Variants in GAB3 observed in about 807,000 individuals in gnomAD.
GAB3 encodes GRB2 associated binding protein 3, also known as GRB2-associated-binding protein 3.
In GAB3, 12 loss-of-function variants were observed where a neutral mutation model predicts 40.4. The ratio of observed to expected loss-of-function variants is 0.30; its 90% confidence interval spans 0.19 to 0.48. GAB3 has a LOEUF of 0.48. GAB3 is among the 20% of genes least tolerant of loss of function. The pLI, the probability that GAB3 is intolerant of heterozygous loss-of-function variation, is 0.99. For synonymous variants in GAB3, 154 were observed against 176.7 expected, an observed-to-expected ratio of 0.87 and a Z score of 1.02; for missense variants, 381 against 461.9, an observed-to-expected ratio of 0.82 and a Z score of 1.61.
intron 1 of GAB3, among the ~76,000 whole-genome samples, chrX:154,720,626 CAAAAA>C (rs782047643): frequency 0.021 from 661 of 30,759 alleles, 7 homozygotes; most frequent in African/African-American, 0.07. Context: ...GACTCCGTCT[CAAAAA>C]AAAAAAAAAA....
At chrX:154,746,546 C>T (rs1444861374) in intron 1 of GAB3, among the ~76,000 whole-genome samples, 12 of 112,177 alleles carry the variant, frequency 1.1e-4, no homozygotes, top group Non-Finnish European at 2.1e-4. Flanking sequence ...GAAGCCTCAG[C>T]AAACTAGCAA....
intron 3 of GAB3, 106 bp from the exon 4 acceptor site, chrX:154,712,807 T>A: frequency 2.2e-6 from 1 of 449,254 alleles, no homozygotes; most frequent in Non-Finnish European, 3.6e-6. Flanking sequence ...TGCTTGCTAC[T>A]TGCATAGCCA....
intron 8 of GAB3, among the ~76,000 whole-genome samples, chrX:154,692,202 A>G (rs2070581666): frequency 8.9e-6 from 1 of 111,820 alleles, no homozygotes; most frequent in Non-Finnish European, 1.9e-5. Flanking sequence ...ATCAAAGGAC[A>G]CTATCAAGAG....
intron 1 of GAB3, among the ~76,000 whole-genome samples, chrX:154,730,025 G>A (rs1484168703): frequency 8.9e-6 from 1 of 112,398 alleles, no homozygotes; most frequent in Non-Finnish European, 1.9e-5. Context: ...GGTTGCTCCT[G>A]CCACGCTCTG....
intron 1 of GAB3, among the ~76,000 whole-genome samples, chrX:154,729,734 A>T (rs782072189): frequency 1.9e-4 from 21 of 111,780 alleles, no homozygotes; most frequent in African/African-American, 6.5e-4. Context: ...AGTTTTTATC[A>T]ATTGACATTC....
rs1164507989 is a variant in GAB3, at chrX:154,676,727, C to T, written c.*1451G>A. 8.9e-6 allele frequency: 1 copy of T among 112,224 alleles called. No individual in the cohort carries two copies. Among genetic ancestry groups the T allele is most frequent in the African/African-American group, 3.2e-5 (1 of 30,857 alleles). The allele number at this position is 112,224 out of a possible 1,213,427, so 9.2% of individuals were successfully genotyped here. On this transcript the variant is annotated 3_prime_UTR_variant, in exon 10 of 10. Transcript: ENST00000424127. ...GTAGCAAAGTCTACAACTGCCCCAA[C>T]TGCACTGACTATCATGGGCCTGACT...
chrX:154,718,340 G>C (rs782152552), intron 1 of GAB3, among the ~76,000 whole-genome samples: 3 of 108,913 alleles, frequency 2.8e-5, no homozygotes, highest in Non-Finnish European at 5.7e-5. Context: ...GTTGGGGCAG[G>C]TGAACCCTGG....
intron 8 of GAB3, 136 bp from the exon 9 acceptor site, chrX:154,680,384 C>T (rs901641517): frequency 9.9e-6 from 4 of 403,382 alleles, no homozygotes; most frequent in Non-Finnish European, 1.3e-5. Context: ...CTGAGTCAAT[C>T]AGCCTGCATA....
At chrX:154,682,551 T>C (rs1237752571) in intron 8 of GAB3, among the ~76,000 whole-genome samples, 1 of 112,136 alleles carries the variant, frequency 8.9e-6, no homozygotes, top group Admixed American at 9.5e-5. Flanking sequence ...ATGCTTTTTC[T>C]GCATCTAGTA....
At chrX:154,679,397 C>T (rs1297918189) in intron 9 of GAB3, 1 of 234,354 alleles carries the variant, frequency 4.3e-6, no homozygotes, top group Non-Finnish European at 8.3e-6. Context: ...TGTTTGTCTA[C>T]CAAAACTGAC....
intron 4 of GAB3, among the ~76,000 whole-genome samples, chrX:154,706,454 A>G (rs1477081877): frequency 9.0e-6 from 1 of 110,865 alleles, no homozygotes; most frequent in African/African-American, 3.3e-5. Flanking sequence ...AAGAATTAAC[A>G]TTGTTAAAAT....
Position 154,699,482 on chromosome X carries a change from G to A in GAB3, c.1157C>T (p.Ala386Val). 1 of 1,211,346 alleles carries A rather than the reference G, an allele frequency of 8.3e-7. No individual in the cohort carries two copies. The highest frequency in any genetic ancestry group is 1.1e-6 in the Non-Finnish European group (1 of 894,950). ...ATAGCTGTCTTCGATACTGGCTGAA[G>A]CTGTGGGGTACATCGGGGAGAACCT... ...PCRFSPMYPT[A>V]SASIEDSYVP... The change falls in exon 6 of 10, where the codon GCT becomes GTT. Residue 386 changes from alanine to valine, a missense_variant. Physicochemically the swap from Ala to Val is moderately conservative, Grantham distance 64. Around this residue, in one of 2 missense-constraint regions of GAB3, gnomAD observed 364 missense variants for 421.0 expected, o/e 0.86. Coordinates refer to ENST00000424127, the MANE Select transcript of GAB3 (RefSeq NM_001081573.3).
chrX:154,740,202 T>C (rs1557261041), intron 1 of GAB3, among the ~76,000 whole-genome samples: 1 of 111,968 alleles, frequency 8.9e-6, no homozygotes, highest in African/African-American at 3.3e-5. Flanking sequence ...TACAGCAGCA[T>C]GAGACTGGAA....
intron 6 of GAB3, among the ~76,000 whole-genome samples, chrX:154,698,511 CTT>C (rs202192736): frequency 8.9e-6 from 1 of 111,964 alleles, no homozygotes; most frequent in Non-Finnish European, 1.9e-5. Flanking sequence ...CCTGAAGTGA[CTT>C]TTTTTGCTTT....
chrX:154,705,658 C>A (rs1194225660), intron 4 of GAB3, among the ~76,000 whole-genome samples: 2 of 111,570 alleles, frequency 1.8e-5, no homozygotes, highest in Non-Finnish European at 3.8e-5. Flanking sequence ...ATGCTGAAAG[C>A]CTTTCCTCCA....
chrX:154,715,295 T>C (rs1241816428), intron 2 of GAB3, among the ~76,000 whole-genome samples: 1 of 111,837 alleles, frequency 8.9e-6, no homozygotes, highest in Non-Finnish European at 1.9e-5. Flanking sequence ...GAATAGGACA[T>C]GTTGCAATAA....
rs782388447 is a variant in GAB3, at chrX:154,729,164, G to A, written c.73-12835C>T. Among the ~76,000 whole-genome samples, 14 of 112,014 alleles carry A rather than the reference G, an allele frequency of 1.2e-4. No homozygotes were observed. The South Asian group carries it at 5.1e-3, about 41-fold the overall frequency. ...GAATCTAGTGATTTCAAAATAGTAA[G>A]TTTACAAAAAGACACTCAATCCAAA... On this transcript the variant is annotated intron_variant, in intron 1 of 9. Transcript: ENST00000424127.
At chrX:154,749,925 T>C (rs1039335718) in intron 1 of GAB3, among the ~76,000 whole-genome samples, 1 of 113,004 alleles carries the variant, frequency 8.8e-6, no homozygotes, top group Non-Finnish European at 1.9e-5. Flanking sequence ...GTTGTGAAAT[T>C]TGGCCAGAAG....
chrX:154,748,931 T>C (rs781973535), intron 1 of GAB3, among the ~76,000 whole-genome samples: 2 of 111,904 alleles, frequency 1.8e-5, no homozygotes, highest in South Asian at 7.4e-4. Context: ...AAAAGATTCC[T>C]GCAGAATTTA....
Sources: gnomAD v4.1 joint callset for allele counts (sites outside exome capture counted in the v4.1 genomes callset) on GRCh38, gnomAD v4.1.1 for gene constraint, gnomAD v4.1.1 regional missense constraint, MANE v1.5 for transcripts, NCBI Gene and HGNC (gene_info 2026-07-23, HGNC 2026-07-21) for gene names.